Variants in THADA observed in about 807,000 individuals in gnomAD.
THADA encodes the protein tRNA (32-2'-O)-methyltransferase regulator THADA.
A neutral mutation model predicts 219.8 loss-of-function variants in THADA; 213 were observed. That is an observed-to-expected ratio of 0.97 (90% CI 0.87 to 1.09). The LOEUF is 1.09. Ranked by LOEUF, THADA falls within the 50% of genes least tolerant of loss-of-function variation. THADA has a pLI of 0.00. For missense variants in THADA, 2,956 were observed against 2,311.3 expected (o/e 1.28, Z -5.72); for synonymous variants, 1,018 against 828.9 (o/e 1.23, Z -3.92).
rs192608750 is a variant in THADA at position 43,395,811 on chromosome 2, G to A, written c.4227+2160C>T. ...CTGCTGCCCAGGCTGGAGGGCAGTGGCATGATCTTGGCTCACTGCAACCTC... is the reference window on the plus strand; with the variant it reads ...CTGCTGCCCAGGCTGGAGGGCAGTGACATGATCTTGGCTCACTGCAACCTC... On this transcript the variant is annotated intron_variant, in intron 29 of 37. Transcript: ENST00000405975. Among the ~76,000 whole-genome samples the A allele has an allele frequency of 3.0e-4, 46 of 152,302 alleles. No homozygotes were observed. In the East Asian group the frequency reaches 7.9e-3, roughly 26 times the overall value.
intron 21 of THADA, among the ~76,000 whole-genome samples, chr2:43,535,635 C>T (rs1223738493): frequency 7.9e-6 from 1 of 126,292 alleles, no homozygotes; most frequent in Non-Finnish European, 1.6e-5. Context: ...AAACCCGAGA[C>T]AGCGCCACTG....
intron 36 of THADA, among the ~76,000 whole-genome samples, chr2:43,251,369 G>A (rs867021234): frequency 1.3e-5 from 2 of 152,300 alleles, no homozygotes; most frequent in African/African-American, 4.8e-5. Flanking sequence ...GACATCATGT[G>A]GAAAAAATGT....
chr2:43,396,396 C>G (rs1384771199), intron 29 of THADA, among the ~76,000 whole-genome samples: 1 of 152,194 alleles, frequency 6.6e-6, no homozygotes, highest in Admixed American at 6.5e-5. Context: ...TCATGACTGC[C>G]TATTTTCTGG....
chr2:43,290,599 T>TA (rs986401888), intron 34 of THADA, among the ~76,000 whole-genome samples: 1 of 152,148 alleles, frequency 6.6e-6, no homozygotes, highest in African/African-American at 2.4e-5. Context: ...TTAATGTAAT[T>TA]ATCTAACTTT....
chr2:43,328,385 C>A (rs1174975372), intron 30 of THADA, among the ~76,000 whole-genome samples: 2 of 152,184 alleles, frequency 1.3e-5, no homozygotes, highest in Non-Finnish European at 2.9e-5. Context: ...TTATGGTATG[C>A]CCCAACATCC....
chr2:43,515,359 A>AATATATAATATAATATATAATATTTT (rs1691575182), intron 22 of THADA, among the ~76,000 whole-genome samples: 5 of 43,530 alleles, frequency 1.1e-4, no homozygotes, highest in East Asian at 9.2e-4. Context: ...TTTTATATAT[A>AATATATAATATAATATATAATATTTT]ATATATAATA....
intron 29 of THADA, among the ~76,000 whole-genome samples, chr2:43,357,736 A>G (rs1355386070): frequency 6.6e-6 from 1 of 152,230 alleles, no homozygotes; most frequent in Non-Finnish European, 1.5e-5. Flanking sequence ...ACTCAACTGG[A>G]AAGATCTCCA....
chr2:43,505,657 C>A lies in THADA; in HGVS notation c.3586G>T (p.Gly1196Trp). Residue 1196 changes from glycine (G) to tryptophan (W), a missense_variant, in exon 24 of 38, where the codon GGG becomes TGG. Physicochemically the swap from Gly to Trp is radical, Grantham distance 184. Coordinates refer to ENST00000405975, the MANE Select transcript of THADA (RefSeq NM_022065.5). ...GTACTCTGTATGTCATCTGTAGGCC[C>A]AGCCAAAGAGATTAACTCTTTCATT... ...ITMKELISLA[G>W]PTDDIQSTVP... 6.3e-7 allele frequency: 1 copy of A among 1,597,474 alleles called. No individual in the cohort carries two copies. Among genetic ancestry groups the A allele is most frequent in the Non-Finnish European group, 8.5e-7 (1 of 1,170,878 alleles).
chr2:43,467,986 G>A (rs576530854), intron 26 of THADA, among the ~76,000 whole-genome samples: 2 of 152,330 alleles, frequency 1.3e-5, no homozygotes, highest in South Asian at 4.1e-4. Context: ...TGGTTTATTG[G>A]TTAACTGTTA....
At chr2:43,271,145 C>T (rs763766918) in intron 36 of THADA, among the ~76,000 whole-genome samples, 6 of 152,178 alleles carry the variant, frequency 3.9e-5, no homozygotes, top group Non-Finnish European at 8.8e-5. Context: ...TGGGCACTTC[C>T]CAGGGCCGGC....
At chr2:43,401,136 C>T (rs1272549211) in intron 28 of THADA, among the ~76,000 whole-genome samples, 1 of 152,214 alleles carries the variant, frequency 6.6e-6, no homozygotes, top group African/African-American at 2.4e-5. Flanking sequence ...ATACTAGGTT[C>T]TCCACAGAAT....
At chr2:43,368,285 CAT>C (rs1670397997) in intron 29 of THADA, among the ~76,000 whole-genome samples, 1 of 152,158 alleles carries the variant, frequency 6.6e-6, no homozygotes, top group Non-Finnish European at 1.5e-5. Context: ...CATTTTATAT[CAT>C]ATACTTGTGC....
chr2:43,479,398 C>T (rs1473747675), intron 26 of THADA, among the ~76,000 whole-genome samples: 1 of 152,092 alleles, frequency 6.6e-6, no homozygotes, highest in Non-Finnish European at 1.5e-5. Flanking sequence ...GAGAATGAGA[C>T]TGGATGACTT....
chr2:43,264,599 C>T (rs775120257), intron 36 of THADA, among the ~76,000 whole-genome samples: 10 of 152,074 alleles, frequency 6.6e-5, no homozygotes, highest in Admixed American at 2.0e-4. Flanking sequence ...GTAACTTTTT[C>T]AAAGATGAAA....
intron 29 of THADA, among the ~76,000 whole-genome samples, chr2:43,383,241 G>A (rs1284635242): frequency 1.3e-5 from 2 of 152,146 alleles, no homozygotes; most frequent in African/African-American, 2.4e-5. Context: ...TTGGAAAAGC[G>A]AATCAAACCA....
intron 26 of THADA, among the ~76,000 whole-genome samples, chr2:43,436,898 G>A (rs1438355380): frequency 6.6e-6 from 1 of 152,122 alleles, no homozygotes; most frequent in African/African-American, 2.4e-5. Flanking sequence ...AACCAAACAC[G>A]GTGATTTGCA....
rs183850478 is a variant in THADA, at chr2:43,264,188, T to C, written c.5296+15577A>G. On this transcript the variant is annotated intron_variant, in intron 36 of 37. Transcript: ENST00000405975. ...TTTCAGGGGAGTGGATGTTGTGAAA[T>C]AGAGTGAAAAGAAACTGAAGTCTGA... 1.7e-4 allele frequency among the ~76,000 whole-genome samples: 26 copies of C among 152,034 alleles called. 1 individual carries two copies. The highest frequency in any genetic ancestry group is 5.8e-4 in the African/African-American group (24 of 41,476).
At chr2:43,428,346 G>T in intron 27 of THADA, 115 bp from the exon 28 acceptor site, 2 of 1,027,266 alleles carry the variant, frequency 1.9e-6, no homozygotes, top group Non-Finnish European at 2.7e-6. Flanking sequence ...GGTGACTAAT[G>T]CCTGTAATCC....
chr2:43,593,409 G>A (rs1701790079), intron 1 of THADA, among the ~76,000 whole-genome samples: 1 of 152,206 alleles, frequency 6.6e-6, no homozygotes, highest in South Asian at 2.1e-4. Context: ...CAGGCCAGGT[G>A]ACATGTAGAG....
Sources: allele counts gnomAD v4.1 joint callset (sites outside exome capture counted in the v4.1 genomes callset), GRCh38; gene constraint gnomAD v4.1.1; transcripts MANE v1.5; gene names NCBI Gene and HGNC (gene_info 2026-07-23, HGNC 2026-07-21).